Variants in TTC3 observed in about 807,000 individuals in gnomAD.
The protein encoded by TTC3 is tetratricopeptide repeat domain 3.
Under a neutral mutation model 249.6 loss-of-function variants are expected in TTC3, and 180 were observed. That is an observed-to-expected ratio of 0.72 (90% CI 0.64 to 0.82). The LOEUF (loss-of-function observed/expected upper bound fraction) is 0.82. Among genes scored for constraint, TTC3 ranks in the 40% least tolerant of loss-of-function variants. TTC3 has a pLI of 0.00. For synonymous variants in TTC3, 717 were observed against 805.0 expected (o/e 0.89, Z 1.85); for missense variants, 2,061 against 2,398.4 (o/e 0.86, Z 2.94).
intron 11 of TTC3, among the ~76,000 whole-genome samples, chr21:37,114,891 A>G (rs527715614): frequency 6.6e-6 from 1 of 152,238 alleles, no homozygotes; most frequent in Non-Finnish European, 1.5e-5. Flanking sequence ...AGGGACATGG[A>G]TGAAGCTGGA....
chr21:37,154,732 G>T (rs1368721920), intron 27 of TTC3, among the ~76,000 whole-genome samples: 3 of 152,130 alleles, frequency 2.0e-5, no homozygotes, highest in Non-Finnish European at 4.4e-5. Context: ...GTGTCGCTCT[G>T]TTGCCCAGGC....
intron 13 of TTC3, 93 bp downstream of exon 13, chr21:37,123,121 A>T: frequency 3.1e-6 from 4 of 1,306,074 alleles, no homozygotes; most frequent in Non-Finnish European, 4.4e-6. Flanking sequence ...TTAGGAGCTA[A>T]TAGCAACCAC....
In TTC3 at chr21:37,182,766, GT is replaced by G; in HGVS notation, c.4618-3del. 6.4e-7 allele frequency: 1 copy of G among 1,574,054 alleles called. No individual in the cohort carries two copies. Among genetic ancestry groups the G allele is most frequent in the Non-Finnish European group, 8.6e-7 (1 of 1,165,186 alleles). ...CCATTTATTTAAGTACTTTCTAAAT[GT>G]TTTTAGATCTCAAAGACGGAATTAG... On this transcript the variant is annotated splice_polypyrimidine_tract_variant and splice_region_variant and intron_variant, in intron 35 of 45. Coordinates refer to ENST00000355666, the Ensembl canonical transcript of TTC3.
At chr21:37,165,203 C>G (rs1266606042) in intron 32 of TTC3, among the ~76,000 whole-genome samples, 1 of 151,998 alleles carries the variant, frequency 6.6e-6, no homozygotes, top group Non-Finnish European at 1.5e-5. Context: ...ATTTAAAATT[C>G]TTATTGGCAT....
intron 11 of TTC3, among the ~76,000 whole-genome samples, chr21:37,111,375 A>T (rs563678416): frequency 6.6e-6 from 1 of 152,226 alleles, no homozygotes; most frequent in African/African-American, 2.4e-5. Flanking sequence ...AAGCAAATGG[A>T]AAACGAAAAA....
chr21:37,158,015 C>T lies in TTC3; in HGVS notation c.2992+1109C>T, dbSNP rs545853472. On this transcript the variant is annotated intron_variant, in intron 28 of 45. Coordinates refer to ENST00000355666, the Ensembl canonical transcript of TTC3. The stretch of plus-strand genomic sequence containing the variant: ...GTACATTAAAAGGTCTGGCCTTGTA[C>T]GATGGTGTCACAGATGATAAAGTTC... The T allele has an allele frequency of 3.2e-4, 163 of 503,184 alleles. 1 individual carries two copies. The highest frequency in any genetic ancestry group is 1.5e-4 in the East Asian group (1 of 6,700). 31.2% of individuals were successfully genotyped at this position (503,184 alleles called of 1,614,324 possible).
chr21:37,153,198 A>T (rs758290009), exon 27 of TTC3: 6 of 1,614,070 alleles, frequency 3.7e-6, no homozygotes, highest in Non-Finnish European at 5.1e-6. Context: ...TAAAGACAAG[A>T]ATATTTCTGC....
chr21:37,182,998 A>AT, intron 36 of TTC3, 85 bp downstream of exon 36: 1 of 1,145,154 alleles, frequency 8.7e-7, no homozygotes, highest in Non-Finnish European at 1.2e-6. Context: ...GATATTTAAT[A>AT]TTAAACTACA....
At chr21:37,132,514 T>G (rs2077557714) in intron 16 of TTC3, among the ~76,000 whole-genome samples, 168 bp from the exon 17 acceptor site, 1 of 152,068 alleles carries the variant, frequency 6.6e-6, no homozygotes, top group African/African-American at 2.4e-5. Flanking sequence ...AGTTTCACCA[T>G]GTTGGTCAGG....
At chr21:37,161,358 C>T (rs980931068) in intron 30 of TTC3, among the ~76,000 whole-genome samples, 5 of 152,196 alleles carry the variant, frequency 3.3e-5, no homozygotes, top group Non-Finnish European at 7.3e-5. Context: ...TCACTGCAGC[C>T]TCAAACTCCC....
exon 46 of TTC3, chr21:37,201,946 T>C (rs2085541944): frequency 5.4e-6 from 1 of 183,526 alleles, no homozygotes; most frequent in Non-Finnish European, 1.1e-5. Flanking sequence ...GTTCCCCTTT[T>C]CTGTTTGAAA....
intron 1 of TTC3, among the ~76,000 whole-genome samples, chr21:37,079,999 A>G (rs1195626002): frequency 2.0e-5 from 3 of 151,932 alleles, no homozygotes; most frequent in Non-Finnish European, 4.4e-5. Context: ...AATTTGTTCT[A>G]TTATTTGTTT....
At chr21:37,150,434 A>G (rs2079361150) in intron 24 of TTC3, among the ~76,000 whole-genome samples, 1 of 151,922 alleles carries the variant, frequency 6.6e-6, no homozygotes. Context: ...TGATAACTTC[A>G]TTTTCTTAAT....
intron 26 of TTC3, 50 bp downstream of exon 26, chr21:37,152,079 G>A (rs1448297649): frequency 8.2e-6 from 12 of 1,467,044 alleles, no homozygotes; most frequent in Non-Finnish European, 9.9e-6. Flanking sequence ...TCATTTAAAT[G>A]TATAAATGTA....
At chr21:37,082,023 C>T (rs911546484) in intron 1 of TTC3, 1 of 151,974 alleles carries the variant, frequency 6.6e-6, no homozygotes, top group African/African-American at 2.4e-5. Flanking sequence ...CGCCACCACG[C>T]CCGGCTAATT....
Position 37,167,635 on chromosome 21 carries a change from C to G in TTC3, c.4467+15C>G. 1 of 1,596,288 alleles carries G rather than the reference C, an allele frequency of 6.3e-7. No homozygotes were observed. The highest frequency in any genetic ancestry group is 1.7e-4 in the Middle Eastern group (1 of 6,018). ...AGGAACGACAAGTGAGTCAAAATTA[C>G]ATTAAACTGTTTAAAGGTTTAGTTT... is the stretch of plus-strand genomic sequence containing the variant. On this transcript the variant is annotated intron_variant, in intron 34 of 45. Coordinates refer to ENST00000355666, the Ensembl canonical transcript of TTC3.
chr21:37,143,172 G>A (rs1167374520), intron 20 of TTC3, among the ~76,000 whole-genome samples: 1 of 152,158 alleles, frequency 6.6e-6, no homozygotes, highest in East Asian at 1.9e-4. Context: ...TTACCATTCA[G>A]GACATAGGCA....
At chr21:37,146,812 C>T (rs1569049406) in intron 21 of TTC3, among the ~76,000 whole-genome samples, 1 of 152,164 alleles carries the variant, frequency 6.6e-6, no homozygotes, top group Non-Finnish European at 1.5e-5. Context: ...GAACACCGAA[C>T]CGTACACTTC....
chr21:37,111,711 T>G (rs2075679153), intron 11 of TTC3, among the ~76,000 whole-genome samples: 1 of 152,206 alleles, frequency 6.6e-6, no homozygotes, highest in Non-Finnish European at 1.5e-5. Flanking sequence ...AATAGACATC[T>G]GCAGAACTCT....
Sources: allele counts gnomAD v4.1 joint callset (sites outside exome capture counted in the v4.1 genomes callset), GRCh38; gene constraint gnomAD v4.1.1; transcripts MANE v1.5; gene names NCBI Gene and HGNC (gene_info 2026-07-23, HGNC 2026-07-21).